The following TUBD1 variants were observed in gnomAD, a reference collection of about 807,000 sequenced individuals.
TUBD1 encodes tubulin delta chain.
TUBD1 carries 38 observed loss-of-function variants against 51.2 expected under a neutral mutation model. That is an observed-to-expected ratio of 0.74 (90% confidence interval 0.57 to 0.97). The LOEUF is 0.97. TUBD1 is among the 50% of genes least tolerant of loss of function. TUBD1 has a pLI of 0.00. For synonymous variants in TUBD1, 169 were observed against 178.2 expected, an observed-to-expected ratio of 0.95 and a Z score of 0.41; for missense variants, 489 against 538.4, an observed-to-expected ratio of 0.91 and a Z score of 0.91.
intron 7 of TUBD1, 66 bp from the exon 8 acceptor site, chr17:59,863,913 CAG>C (rs1329784897): frequency 4.0e-6 from 5 of 1,254,824 alleles, no homozygotes; most frequent in Admixed American, 3.3e-5. Context: ...AACAAACAAA[CAG>C]ATATTTTCTT....
rs879225737 is a variant in TUBD1, at chr17:59,878,463, G to A, written c.538-129C>T. On this transcript the variant is annotated intron_variant, in intron 4 of 8. Coordinates refer to ENST00000325752, the MANE Select transcript of TUBD1 (RefSeq NM_016261.4). ...TTTCTAGCCGTATGACCTTGGACAAGTTTTTTAATCTCTATGCTCAGTTTC... is the reference window on the plus strand; with the variant it reads ...TTTCTAGCCGTATGACCTTGGACAAATTTTTTAATCTCTATGCTCAGTTTC... The A allele has an allele frequency of 4.0e-5, 22 of 550,878 alleles. No homozygotes were observed. The Admixed American group carries it at 5.9e-4, about 15-fold the overall frequency. The allele number at this position is 550,878 out of a possible 1,614,324, so 34.1% of individuals were successfully genotyped here. A position where few individuals can be genotyped will look rare whatever the true frequency, so the allele number is the denominator to read the frequency against.
intron 2 of TUBD1, among the ~76,000 whole-genome samples, chr17:59,887,068 C>G (rs1005451303): frequency 6.6e-6 from 1 of 152,088 alleles, no homozygotes; most frequent in Non-Finnish European, 1.5e-5. Context: ...CTCCTGTAAT[C>G]CCAGCTACTC....
intron 3 of TUBD1, chr17:59,885,514 C>A: frequency 6.3e-7 from 1 of 1,579,916 alleles, no homozygotes. Flanking sequence ...AGGCGGTGAT[C>A]CCTCCAAAGA....
intron 6 of TUBD1, among the ~76,000 whole-genome samples, chr17:59,868,158 C>T (rs1666561396): frequency 6.9e-6 from 1 of 144,594 alleles, no homozygotes; most frequent in Non-Finnish European, 1.5e-5. Context: ...GTGGCAGGTG[C>T]CTATAATCTC....
intron 4 of TUBD1, 47 bp from the exon 5 acceptor site, chr17:59,878,381 G>C (rs930792512): frequency 7.2e-7 from 1 of 1,384,656 alleles, no homozygotes; most frequent in Non-Finnish European, 1.0e-6. Flanking sequence ...GAGAATAATG[G>C]TTAAGATTAC....
At chr17:59,883,984 G>C (rs922630016) in intron 3 of TUBD1, among the ~76,000 whole-genome samples, 48 of 152,196 alleles carry the variant, frequency 3.2e-4, no homozygotes, top group African/African-American at 1.0e-3. Flanking sequence ...CACATGGCTG[G>C]GCACAGTGGC....
intron 4 of TUBD1, among the ~76,000 whole-genome samples, chr17:59,879,418 T>C (rs1433796207): frequency 2.2e-4 from 34 of 152,296 alleles, no homozygotes; most frequent in Admixed American, 2.1e-3. Flanking sequence ...AATCAGTTCC[T>C]GAAAGAAGCA....
Position 59,863,788 on chromosome 17 carries a change from C to A in TUBD1, c.1135G>T (p.Val379Leu). 1 of 1,609,406 alleles carries A rather than the reference C, an allele frequency of 6.2e-7. No homozygotes were observed. The change falls in exon 8 of 9, where the codon GTG becomes TTG. Residue 379 changes from valine to leucine, a missense_variant. Transcript: ENST00000325752. Reference sequence around the variant, plus strand: ...CTAAAGGCCCGCTGGGTTTTCCACACGTTGAAAGCATTAACAGGCTTCAAC... The same window carrying A: ...CTAAAGGCCCGCTGGGTTTTCCACAAGTTGAAAGCATTAACAGGCTTCAAC... The part of the protein sequence containing the change: ...SWLKPVNAFN[V>L]WKTQRAFSKY...
intron 6 of TUBD1, among the ~76,000 whole-genome samples, chr17:59,872,079 G>A (rs1437311226): frequency 6.6e-6 from 1 of 151,900 alleles, no homozygotes; most frequent in African/African-American, 2.4e-5. Flanking sequence ...TCAGCCTCTT[G>A]GGTAGCTGGG....
chr17:59,868,206 C>T (rs1176095839), intron 6 of TUBD1, among the ~76,000 whole-genome samples: 1 of 146,696 alleles, frequency 6.8e-6, no homozygotes, highest in Non-Finnish European at 1.5e-5. Context: ...ATCGTTTGAA[C>T]CCAGGAGGCA....
intron 6 of TUBD1, among the ~76,000 whole-genome samples, chr17:59,872,693 A>AGTGTGTGTGT (rs1598525702): frequency 6.1e-5 from 6 of 97,976 alleles, no homozygotes; most frequent in African/African-American, 2.5e-4. Context: ...TGAAAATGGG[A>AGTGTGTGTGT]ATGTGTGTGT....
intron 7 of TUBD1, 119 bp from the exon 8 acceptor site, chr17:59,863,966 T>A: frequency 1.1e-6 from 1 of 905,186 alleles, no homozygotes; most frequent in Non-Finnish European, 1.5e-6. Flanking sequence ...CTTTTAAAAC[T>A]TGTGATGGCT....
At chr17:59,891,626 C>T (rs916933133) in intron 1 of TUBD1, among the ~76,000 whole-genome samples, 1 of 151,898 alleles carries the variant, frequency 6.6e-6, no homozygotes, top group African/African-American at 2.4e-5. Context: ...TCACTTTTTT[C>T]CTAAACATAT....
chr17:59,889,797 CT>C (rs1297729670), intron 2 of TUBD1, among the ~76,000 whole-genome samples: 1 of 151,792 alleles, frequency 6.6e-6, no homozygotes, highest in East Asian at 1.9e-4. Context: ...TGGCAAAACC[CT>C]GTCTCTACTA....
chr17:59,880,826 C>CT, intron 4 of TUBD1, 68 bp downstream of exon 4: 2 of 1,482,366 alleles, frequency 1.3e-6, no homozygotes, highest in Non-Finnish European at 1.9e-6. Flanking sequence ...TGAGAGCAAT[C>CT]TTTTACCCAT....
intron 6 of TUBD1, among the ~76,000 whole-genome samples, chr17:59,872,104 CCAT>C (rs1012758052): frequency 6.6e-6 from 1 of 152,064 alleles, no homozygotes; most frequent in Non-Finnish European, 1.5e-5. Context: ...CAAGTGTGTG[CCAT>C]CACGCCTCGC....
At chr17:59,863,553 G>A (rs1298417928) in intron 8 of TUBD1, 111 bp downstream of exon 8, 8 of 821,294 alleles carry the variant, frequency 9.7e-6, no homozygotes, top group Non-Finnish European at 1.4e-5. Flanking sequence ...AGGTTGCAGT[G>A]AGCCAGTGAG....
chr17:59,880,855 G>A (rs1399704533), intron 4 of TUBD1, 39 bp downstream of exon 4: 1 of 1,561,548 alleles, frequency 6.4e-7, no homozygotes. Flanking sequence ...CTATTGCAAA[G>A]AACATAAAAC....
At chr17:59,872,691 GGAAT>G (rs1482642712) in intron 6 of TUBD1, among the ~76,000 whole-genome samples, 3 of 115,778 alleles carry the variant, frequency 2.6e-5, no homozygotes, top group African/African-American at 1.1e-4. Flanking sequence ...TATGAAAATG[GGAAT>G]GTGTGTGTGT....
Sources: allele counts gnomAD v4.1 joint callset (sites outside exome capture counted in the v4.1 genomes callset), GRCh38; gene constraint gnomAD v4.1.1; transcripts MANE v1.5; gene names NCBI Gene and HGNC (gene_info 2026-07-23, HGNC 2026-07-21).